The following WDR43 variants were observed in gnomAD, a reference collection of about 807,000 sequenced individuals.
WDR43 encodes the protein WD repeat-containing protein 43.
WDR43 carries 13 observed loss-of-function variants against 91.4 expected under a neutral mutation model. The ratio of observed to expected loss-of-function variants is 0.14; its 90% CI spans 0.09 to 0.23. WDR43 has a LOEUF of 0.23. WDR43 is among the 10% of genes least tolerant of loss of function. The pLI, the probability that WDR43 is intolerant of heterozygous loss-of-function variation, is 1.00. For synonymous variants in WDR43, 331 were observed against 287.9 expected, an observed-to-expected ratio of 1.15 and a Z score of -1.51; for missense variants, 780 against 809.4, an observed-to-expected ratio of 0.96 and a Z score of 0.44.
At chr2:28,921,073 T>C (rs1326574454) in intron 6 of WDR43, among the ~76,000 whole-genome samples, 1 of 152,162 alleles carries the variant, frequency 6.6e-6, no homozygotes, top group East Asian at 1.9e-4. Context: ...TGGAATACTA[T>C]TGGCATTATA....
chr2:28,916,632 C>T (rs1359746603), intron 5 of WDR43, among the ~76,000 whole-genome samples: 1 of 152,118 alleles, frequency 6.6e-6, no homozygotes, highest in South Asian at 2.1e-4. Context: ...CACACACCCA[C>T]ACATCCCTGC....
intron 1 of WDR43, among the ~76,000 whole-genome samples, chr2:28,900,273 T>C (rs1670553983): frequency 6.6e-6 from 1 of 152,102 alleles, no homozygotes; most frequent in South Asian, 2.1e-4. Flanking sequence ...CTGCAACCTC[T>C]GCCTCCCGGG....
chr2:28,896,609 C>T (rs894259494), intron 1 of WDR43, among the ~76,000 whole-genome samples: 1 of 152,162 alleles, frequency 6.6e-6, no homozygotes, highest in Admixed American at 6.6e-5. Flanking sequence ...TCTTGGTTAT[C>T]TGCAACAGAT....
intron 3 of WDR43, among the ~76,000 whole-genome samples, chr2:28,907,047 A>G (rs1235837040): frequency 6.6e-6 from 1 of 152,200 alleles, no homozygotes; most frequent in Non-Finnish European, 1.5e-5. Context: ...GGGATAATGG[A>G]TGGCAGATGA....
chr2:28,927,234 T>C, intron 9 of WDR43: 1 of 500,606 alleles, frequency 2.0e-6, no homozygotes, highest in Admixed American at 2.1e-5. Context: ...TTATGTAATC[T>C]GTAGTTTTTT....
At chr2:28,911,448 C>T (rs533338978) in intron 3 of WDR43, among the ~76,000 whole-genome samples, 4 of 152,042 alleles carry the variant, frequency 2.6e-5, no homozygotes, top group Non-Finnish European at 5.9e-5. Flanking sequence ...CGTCCTCCAT[C>T]ATGCCTGGCT....
In WDR43 at chr2:28,935,556, G is replaced by C; in HGVS notation, c.1473G>C (p.Lys491Asn). The change falls in exon 12 of 18, where the codon AAG becomes AAC. Residue 491 changes from lysine to asparagine, a missense_variant. Around this residue, in one of 4 missense-constraint regions of WDR43, gnomAD observed 426 missense variants for 467.8 expected, o/e 0.91. Transcript: ENST00000407426. ...VLQTRNVNLI[K>N]KTVLRMPLHT... ...AAACTAGGAATGTAAACCTTATAAA[G>C]AAGACTGTATTAAGGATGCCCCTGC... The C allele has an allele frequency of 6.3e-7, 1 of 1,599,738 alleles. No homozygotes were observed. Among genetic ancestry groups the C allele is most frequent in the Non-Finnish European group, 8.5e-7 (1 of 1,174,540 alleles).
rs1039860010 is a variant in WDR43, at chr2:28,894,775, A to T, written c.77A>T (p.Gln26Leu). Residue 26 changes from glutamine to leucine, a missense_variant, in exon 1 of 18, where the codon CAG (glutamine) becomes CTG (leucine). Gln to Leu is a moderately radical substitution (Grantham distance 113). Transcript: ENST00000407426. ...CCTTGCGCCTTCTCCCCGCACAGCC[A>T]GGCCTACTTCGCTTTGGCCTCTACC... ...GVPCAFSPHS[Q>L]AYFALASTDG... 3 of 1,607,106 alleles carry T rather than the reference A, an allele frequency of 1.9e-6. No individual in the cohort carries two copies. In the East Asian group the frequency reaches 6.7e-5, roughly 36 times the overall value.
At chr2:28,920,025 G>A (rs1474002618) in intron 6 of WDR43, among the ~76,000 whole-genome samples, 1 of 151,684 alleles carries the variant, frequency 6.6e-6, no homozygotes, top group Non-Finnish European at 1.5e-5. Context: ...CTTTAGTAGA[G>A]ACAGGGTTTT....
Position 28,927,558 on chromosome 2 carries a change from C to T in WDR43, c.1174-11C>T. The T allele has an allele frequency of 6.2e-7, 1 of 1,613,178 alleles. No homozygotes were observed. Among genetic ancestry groups the T allele is most frequent in the Non-Finnish European group, 8.5e-7 (1 of 1,179,572 alleles). ...TTCCTTTTTCACACTTTGGCTATTC[C>T]TGTTGAACAGGTGAGGACACCAGTG... is the stretch of plus-strand genomic sequence containing the variant. On this transcript the variant is annotated splice_polypyrimidine_tract_variant and intron_variant, in intron 9 of 17. Coordinates refer to ENST00000407426, the MANE Select transcript of WDR43 (RefSeq NM_015131.3).
intron 5 of WDR43, 141 bp from the exon 6 acceptor site, chr2:28,917,752 T>C: frequency 8.5e-6 from 6 of 702,610 alleles, no homozygotes; most frequent in South Asian, 1.8e-5. Flanking sequence ...TTTTGATCTT[T>C]AGTCACTTTA....
At chr2:28,907,612 CAA>C (rs112486794) in intron 3 of WDR43, among the ~76,000 whole-genome samples, 4 of 132,510 alleles carry the variant, frequency 3.0e-5, no homozygotes, top group Admixed American at 7.8e-5. Flanking sequence ...GACGCTGTCT[CAA>C]AAAAAAAAAG....
intron 3 of WDR43, among the ~76,000 whole-genome samples, chr2:28,907,311 A>G (rs1294659489): frequency 1.3e-5 from 2 of 152,050 alleles, no homozygotes; most frequent in East Asian, 1.9e-4. Flanking sequence ...GGGATTTTAG[A>G]TTCTGTCTGG....
intron 6 of WDR43, among the ~76,000 whole-genome samples, chr2:28,921,746 C>G (rs1405846372): frequency 6.6e-6 from 1 of 151,778 alleles, no homozygotes; most frequent in African/African-American, 2.4e-5. Flanking sequence ...GGGTTTCACC[C>G]TGTTGTCCAG....
At chr2:28,924,847 G>A (rs898495442) in intron 7 of WDR43, 135 bp from the exon 8 acceptor site, 6 of 968,430 alleles carry the variant, frequency 6.2e-6, no homozygotes, top group Middle Eastern at 3.5e-4. Context: ...CTCATGCTCC[G>A]GAGACCCAGG....
rs141345264 is a variant in WDR43, at chr2:28,914,573, A to C, written c.746+365A>C. Among the ~76,000 whole-genome samples, 200 of 152,318 alleles carry C rather than the reference A, an allele frequency of 1.3e-3. 1 individual carries two copies. Among genetic ancestry groups the C allele is most frequent in the Non-Finnish European group, 2.3e-3 (159 of 68,026 alleles). ...GCATAAAATTGCTTGGCTGTCTCAGAATTTCCAGTAACTCCTTTTTGCAGT... is the reference window on the plus strand; with the variant it reads ...GCATAAAATTGCTTGGCTGTCTCAGCATTTCCAGTAACTCCTTTTTGCAGT... On this transcript the variant is annotated intron_variant, in intron 5 of 17. Coordinates refer to ENST00000407426, the MANE Select transcript of WDR43 (RefSeq NM_015131.3).
intron 9 of WDR43, chr2:28,927,245 A>T (rs1395736672): frequency 2.0e-6 from 1 of 492,380 alleles, no homozygotes; most frequent in Non-Finnish European, 4.0e-6. Flanking sequence ...GTAGTTTTTT[A>T]AAGCCAGTTG....
intron 6 of WDR43, 103 bp from the exon 7 acceptor site, chr2:28,922,816 T>TTTTG (rs2148190017): frequency 2.2e-6 from 1 of 447,224 alleles, no homozygotes; most frequent in Non-Finnish European, 3.8e-6. Flanking sequence ...TTTTTTTTTC[T>TTTTG]GGTTGTGTAA....
chr2:28,927,856 A>T (rs1179892632), intron 10 of WDR43, 156 bp downstream of exon 10: 2 of 1,047,660 alleles, frequency 1.9e-6, no homozygotes, highest in African/African-American at 3.2e-5. Flanking sequence ...CATAGATTTC[A>T]TAATTCTAGA....
Sources: gnomAD v4.1 joint callset for allele counts (sites outside exome capture counted in the v4.1 genomes callset) on GRCh38, gnomAD v4.1.1 for gene constraint, gnomAD v4.1.1 regional missense constraint, MANE v1.5 for transcripts, NCBI Gene and HGNC (gene_info 2026-07-23, HGNC 2026-07-21) for gene names.